AKT3: variants seen among roughly 807,000 people sequenced by gnomAD.
AKT3 encodes RAC-gamma serine/threonine-protein kinase.
Under a neutral mutation model 65.3 loss-of-function variants are expected in AKT3, and 15 were observed. That is an observed-to-expected ratio of 0.23 (90% confidence interval 0.15 to 0.35). The LOEUF (loss-of-function observed/expected upper bound fraction) is 0.35, where lower values mean the gene tolerates loss of function less well. Among genes scored for constraint, AKT3 ranks in the 10% least tolerant of loss-of-function variants. The pLI is 1.00. For missense variants in AKT3, 243 were observed against 576.5 expected, an observed-to-expected ratio of 0.42 and a Z score of 5.92; for synonymous variants, 206 against 183.8, an observed-to-expected ratio of 1.12 and a Z score of -0.98.
intron 12 of AKT3, among the ~76,000 whole-genome samples, chr1:243,531,837 T>C (rs1289964226): frequency 2.0e-5 from 3 of 152,190 alleles, no homozygotes; most frequent in African/African-American, 7.2e-5. Flanking sequence ...GCTTCCTTGG[T>C]TAAATTTATT....
intron 9 of AKT3, among the ~76,000 whole-genome samples, chr1:243,570,364 G>A (rs1674472398): frequency 1.3e-5 from 2 of 152,230 alleles, no homozygotes; most frequent in African/African-American, 2.4e-5. Context: ...TAATACATCT[G>A]GTATAAATAT....
chr1:243,515,222 G>A (rs1670274246), intron 12 of AKT3, among the ~76,000 whole-genome samples: 1 of 152,034 alleles, frequency 6.6e-6, no homozygotes, highest in East Asian at 1.9e-4. Context: ...TCCCAGTTTG[G>A]GGCAATTACA....
At position 243,850,155 on chromosome 1, in the gene AKT3, CTCCTCCCCTCCTG is replaced by C. The variant is rs1430065036; in HGVS notation, c.-241_-229del. 1.2e-5 allele frequency: 2 copies of C among 162,884 alleles called. No individual in the cohort carries two copies. Among genetic ancestry groups the C allele is most frequent in the African/African-American group, 2.5e-5 (1 of 40,476 alleles). The allele number at this position is 162,884 out of a possible 1,614,324, so 10.1% of individuals were successfully genotyped here. A position where few individuals can be genotyped will look rare whatever the true frequency, so the allele number is the denominator to read the frequency against. On this transcript the variant is annotated 5_prime_UTR_variant, in exon 1 of 14. Transcript: ENST00000673466. Reference sequence around the variant, plus strand: ...GCGACTCGGGGGTCCCCCCTCCCTCCTCCTCCCCTCCTGTCCTCCCCCCACCCCACAGAGCCTC... The same window carrying C: ...GCGACTCGGGGGTCCCCCCTCCCTCCTCCTCCCCCCACCCCACAGAGCCTC...
chr1:243,812,792 T>C (rs1693249542), intron 2 of AKT3, among the ~76,000 whole-genome samples: 1 of 152,036 alleles, frequency 6.6e-6, no homozygotes, highest in African/African-American at 2.4e-5. Flanking sequence ...AATGATAGAT[T>C]GGATTAAGAA....
intron 2 of AKT3, among the ~76,000 whole-genome samples, chr1:243,739,207 AAAAG>A (rs1167090304): frequency 2.0e-5 from 3 of 152,218 alleles, no homozygotes; most frequent in South Asian, 2.1e-4. Flanking sequence ...TAAAAGAGCA[AAAAG>A]AAAGAGTAAA....
At chr1:243,549,473 G>A (rs1478098000) in intron 11 of AKT3, among the ~76,000 whole-genome samples, 1 of 152,088 alleles carries the variant, frequency 6.6e-6, no homozygotes, top group Non-Finnish European at 1.5e-5. Context: ...CTATTGCCCA[G>A]GCTGGAGTGC....
At chr1:243,634,042 C>T (rs1242630523) in intron 6 of AKT3, among the ~76,000 whole-genome samples, 1 of 152,154 alleles carries the variant, frequency 6.6e-6, no homozygotes, top group East Asian at 1.9e-4. Flanking sequence ...CCTTGATATC[C>T]ATGGGGGATT....
At chr1:243,517,392 T>C (rs1399264702) in intron 12 of AKT3, among the ~76,000 whole-genome samples, 1 of 152,214 alleles carries the variant, frequency 6.6e-6, no homozygotes, top group Non-Finnish European at 1.5e-5. Context: ...GCTGTATCAA[T>C]TATTTGAAGA....
intron 2 of AKT3, among the ~76,000 whole-genome samples, chr1:243,696,746 C>G (rs528657648): frequency 3.9e-5 from 6 of 152,082 alleles, no homozygotes; most frequent in Non-Finnish European, 4.4e-5. Flanking sequence ...TCTGATTGAG[C>G]CCAATCAACT....
intron 13 of AKT3, among the ~76,000 whole-genome samples, chr1:243,508,519 A>G (rs1669811248): frequency 6.6e-6 from 1 of 152,128 alleles, no homozygotes; most frequent in African/African-American, 2.4e-5. Flanking sequence ...GCAAGTCCAT[A>G]GCGCCCTCCC....
intron 9 of AKT3, among the ~76,000 whole-genome samples, chr1:243,565,930 C>T (rs1465912246): frequency 6.6e-6 from 1 of 152,084 alleles, no homozygotes; most frequent in Non-Finnish European, 1.5e-5. Flanking sequence ...TAATATAATA[C>T]ATTAACAATT....
intron 2 of AKT3, among the ~76,000 whole-genome samples, chr1:243,731,968 TTG>T: frequency 6.6e-6 from 1 of 152,364 alleles, no homozygotes; most frequent in Non-Finnish European, 1.5e-5. Flanking sequence ...CCTTCACAAT[TTG>T]TGTCATATTC....
Position 243,843,386 on chromosome 1 carries a change from CACA to C in AKT3, c.-112-107_-112-105del, listed in dbSNP as rs1403935803. The C allele has an allele frequency of 6.8e-5, 80 of 1,183,156 alleles. No individual in the cohort carries two copies. In the African/African-American group the frequency reaches 1.1e-3, roughly 16 times the overall value. The allele number at this position is 1,183,156 out of a possible 1,614,324, so 73.3% of individuals were successfully genotyped here. On this transcript the variant is annotated intron_variant, in intron 1 of 13. Coordinates refer to ENST00000673466, the MANE Select transcript of AKT3 (RefSeq NM_005465.7). ...TAAATGTCTTCAACTGGCCTGACCT[CACA>C]TAAAAGTCTGGCTCTTCAAACTGGG...
At chr1:243,825,866 T>C (rs1694133565) in intron 2 of AKT3, among the ~76,000 whole-genome samples, 1 of 152,042 alleles carries the variant, frequency 6.6e-6, no homozygotes, top group South Asian at 2.1e-4. Flanking sequence ...GTGCGGTGGC[T>C]CACACCTGTA....
intron 11 of AKT3, among the ~76,000 whole-genome samples, chr1:243,549,154 G>A (rs950773702): frequency 1.3e-5 from 2 of 151,958 alleles, no homozygotes; most frequent in South Asian, 4.1e-4. Context: ...TTTCTTTTAA[G>A]CATTCATTCT....
intron 5 of AKT3, among the ~76,000 whole-genome samples, chr1:243,640,934 T>C (rs1034311884): frequency 1.3e-5 from 2 of 152,114 alleles, no homozygotes; most frequent in East Asian, 1.9e-4. Flanking sequence ...TGTGAGGGTG[T>C]TGCCAAAGGA....
At chr1:243,842,102 T>C (rs1310285298) in intron 2 of AKT3, among the ~76,000 whole-genome samples, 1 of 152,164 alleles carries the variant, frequency 6.6e-6, no homozygotes, top group African/African-American at 2.4e-5. Flanking sequence ...CTACTGTGTA[T>C]CTCTGGCAAA....
intron 5 of AKT3, among the ~76,000 whole-genome samples, chr1:243,638,798 CAATT>C (rs1680164065): frequency 6.6e-6 from 1 of 150,554 alleles, no homozygotes; most frequent in Non-Finnish European, 1.5e-5. Context: ...TATTTCAAAT[CAATT>C]GTTTCAGTTT....
chr1:243,715,530 A>G (rs1321830826), intron 2 of AKT3, among the ~76,000 whole-genome samples: 1 of 152,094 alleles, frequency 6.6e-6, no homozygotes, highest in Non-Finnish European at 1.5e-5. Flanking sequence ...CATACTTTCA[A>G]ACTGGGTGAA....
Sources: allele counts gnomAD v4.1 joint callset (sites outside exome capture counted in the v4.1 genomes callset), GRCh38; gene constraint gnomAD v4.1.1; transcripts MANE v1.5; gene names NCBI Gene and HGNC (gene_info 2026-07-23, HGNC 2026-07-21).